NBEA: variants seen among roughly 807,000 people sequenced by gnomAD.
The protein encoded by NBEA is lysosomal-trafficking regulator 2.
In NBEA, 44 loss-of-function variants were observed where a neutral mutation model predicts 343.4. The observed-to-expected ratio is 0.13, with a 90% confidence interval of 0.10 to 0.16. The LOEUF (loss-of-function observed/expected upper bound fraction) is 0.16. Among genes scored for constraint, NBEA ranks in the 10% least tolerant of loss-of-function variants. NBEA has a pLI of 1.00. For missense variants in NBEA, 2,555 were observed against 3,631.3 expected, an observed-to-expected ratio of 0.70 and a Z score of 7.62; for synonymous variants, 1,175 against 1,238.7, an observed-to-expected ratio of 0.95 and a Z score of 1.08.
intron 30 of NBEA, among the ~76,000 whole-genome samples, chr13:35,191,306 A>G (rs958995412): frequency 6.6e-6 from 1 of 152,108 alleles, no homozygotes; most frequent in Non-Finnish European, 1.5e-5. Context: ...AGCTCAATGC[A>G]CTCCAAGTAG....
intron 43 of NBEA, among the ~76,000 whole-genome samples, chr13:35,552,768 T>C (rs1430956035): frequency 6.6e-6 from 1 of 152,254 alleles, no homozygotes; most frequent in African/African-American, 2.4e-5. Context: ...TCAGTATTCT[T>C]TGACTTGTCT....
intron 34 of NBEA, chr13:35,251,246 C>A: frequency 3.1e-6 from 1 of 323,686 alleles, no homozygotes; most frequent in South Asian, 5.5e-5. Context: ...CTGCTGCTGT[C>A]AACCATGCAG....
At chr13:35,543,863 G>A (rs1387085845) in intron 41 of NBEA, among the ~76,000 whole-genome samples, 1 of 152,076 alleles carries the variant, frequency 6.6e-6, no homozygotes, top group Non-Finnish European at 1.5e-5. Context: ...CCACACAGCA[G>A]GTATCAGTCA....
At chr13:35,079,550 A>C (rs1228426188) in intron 10 of NBEA, among the ~76,000 whole-genome samples, 1 of 152,278 alleles carries the variant, frequency 6.6e-6, no homozygotes, top group East Asian at 1.9e-4. Context: ...TATAGGTCTC[A>C]ATTTTTGGTC....
At chr13:35,178,993 T>A (rs542835960) in intron 28 of NBEA, among the ~76,000 whole-genome samples, 15 of 151,744 alleles carry the variant, frequency 9.9e-5, no homozygotes, top group African/African-American at 3.6e-4. Context: ...GGAGTTTCTA[T>A]TAAGGGTGAC....
At chr13:35,377,609 C>A (rs574406937) in intron 38 of NBEA, among the ~76,000 whole-genome samples, 14 of 152,266 alleles carry the variant, frequency 9.2e-5, no homozygotes, top group African/African-American at 3.4e-4. Flanking sequence ...ATTGAATAAG[C>A]CTCTAGCTCA....
At chr13:35,482,418 A>G (rs1408447811) in intron 41 of NBEA, among the ~76,000 whole-genome samples, 1 of 151,480 alleles carries the variant, frequency 6.6e-6, no homozygotes, top group Non-Finnish European at 1.5e-5. Flanking sequence ...TTGTAATAAT[A>G]TACATTTTAG....
intron 48 of NBEA, among the ~76,000 whole-genome samples, chr13:35,612,680 T>G (rs1268135269): frequency 6.6e-6 from 1 of 152,182 alleles, no homozygotes; most frequent in Non-Finnish European, 1.5e-5. Flanking sequence ...TAGACAGTGT[T>G]ATACCCCAAA....
intron 39 of NBEA, among the ~76,000 whole-genome samples, chr13:35,445,782 TTATA>T (rs71081255): frequency 0.12 from 13,047 of 112,658 alleles, 779 homozygotes; most frequent in South Asian, 0.15. Context: ...ATATAAATGT[TTATA>T]TATATATATA....
chr13:35,550,727 T>C, intron 42 of NBEA, 133 bp downstream of exon 42: 1 of 693,392 alleles, frequency 1.4e-6, no homozygotes. Flanking sequence ...GAAATTCTTT[T>C]TAAAAAATAA....
At chr13:35,281,473 G>A (rs1258770393) in intron 34 of NBEA, among the ~76,000 whole-genome samples, 1 of 152,108 alleles carries the variant, frequency 6.6e-6, no homozygotes, top group Non-Finnish European at 1.5e-5. Context: ...TGTGCTTTTG[G>A]AAGTAAGTGA....
intron 41 of NBEA, among the ~76,000 whole-genome samples, chr13:35,528,890 A>G (rs923027256): frequency 3.9e-5 from 6 of 152,152 alleles, no homozygotes; most frequent in Non-Finnish European, 8.8e-5. Context: ...TGTGATTTCA[A>G]TGTGATTAAA....
chr13:35,618,576 C>T (rs142639002), intron 48 of NBEA, among the ~76,000 whole-genome samples: 99 of 152,180 alleles, frequency 6.5e-4, no homozygotes, highest in Non-Finnish European at 1.1e-3. Context: ...CCTGGAAAAG[C>T]GATACAGACA....
At chr13:35,617,541 G>T (rs767767152) in intron 48 of NBEA, among the ~76,000 whole-genome samples, 14 of 152,166 alleles carry the variant, frequency 9.2e-5, no homozygotes, top group Non-Finnish European at 1.8e-4. Context: ...ATTCTTAGTT[G>T]CTTCAGAATT....
chr13:35,544,482 C>T (rs925358771), intron 41 of NBEA, among the ~76,000 whole-genome samples: 7 of 151,996 alleles, frequency 4.6e-5, no homozygotes, highest in African/African-American at 1.5e-4. Flanking sequence ...TATACATGTC[C>T]GATACGCATG....
intron 41 of NBEA, among the ~76,000 whole-genome samples, chr13:35,506,910 A>C (rs947415093): frequency 6.6e-6 from 1 of 152,042 alleles, no homozygotes. Context: ...ATCCCTTTTA[A>C]TATCCATCCA....
chr13:35,232,379 C>T (rs1180341414), intron 33 of NBEA, 113 bp from the exon 34 acceptor site: 2 of 716,818 alleles, frequency 2.8e-6, no homozygotes, highest in Non-Finnish European at 4.4e-6. Context: ...GTTATTATTC[C>T]ATGGGCTAGA....
intron 34 of NBEA, among the ~76,000 whole-genome samples, chr13:35,281,196 A>G (rs1802412469): frequency 6.6e-6 from 1 of 152,152 alleles, no homozygotes; most frequent in South Asian, 2.1e-4. Context: ...AATCATGATT[A>G]TAATAGTTTC....
At chr13:34,994,110 A>G (rs977580331) in intron 1 of NBEA, among the ~76,000 whole-genome samples, 1 of 140,510 alleles carries the variant, frequency 7.1e-6, no homozygotes, top group Non-Finnish European at 1.5e-5. Context: ...AGGCAGGATA[A>G]TTGCTTGAAC....
Sources: gnomAD v4.1 joint callset for allele counts (sites outside exome capture counted in the v4.1 genomes callset) on GRCh38, gnomAD v4.1.1 for gene constraint, MANE v1.5 for transcripts, NCBI Gene and HGNC (gene_info 2026-07-23, HGNC 2026-07-21) for gene names.